Variants in KRT86 observed in about 807,000 individuals in gnomAD.
KRT86 encodes keratin 86, also known as keratin, type II cuticular Hb6.
KRT86 carries 30 observed loss-of-function variants against 41.2 expected under a neutral mutation model. That is an observed-to-expected ratio of 0.73 (90% CI 0.54 to 0.99). The LOEUF (loss-of-function observed/expected upper bound fraction) is 0.99. Ranked by LOEUF, KRT86 falls within the 50% of genes least tolerant of loss-of-function variation. KRT86 has a pLI of 0.00. For missense variants in KRT86, 561 were observed against 571.4 expected (o/e 0.98, Z 0.19); for synonymous variants, 238 against 238.1 (o/e 1.00, Z 0.00).
In KRT86 at chr12:52,304,927, T is replaced by C. The variant is rs1416366988; in HGVS notation, c.640-5T>C. On this transcript the variant is annotated splice_region_variant and splice_polypyrimidine_tract_variant and intron_variant, in intron 5 of 10. Transcript: ENST00000423955. ...CTTGAGCTCCAACACTCCCCACCTT[T>C]CCAGGATGTGGACTGCGCCTACCTC... 2.5e-6 allele frequency: 4 copies of C among 1,613,916 alleles called. No individual in the cohort carries two copies. In the African/African-American group the frequency reaches 5.3e-5, roughly 22 times the overall value.
intron 6 of KRT86, 25 bp downstream of exon 6, chr12:52,305,052 G>T (rs753587380): frequency 1.9e-6 from 3 of 1,613,094 alleles, no homozygotes; most frequent in African/African-American, 2.7e-5. Flanking sequence ...GCCAGGCAGA[G>T]ACCTGGCAGC....
chr12:52,300,825 GC>G (rs1565746979), intron 2 of KRT86, among the ~76,000 whole-genome samples: 4 of 152,084 alleles, frequency 2.6e-5, no homozygotes, highest in Admixed American at 2.6e-4. Context: ...TAACAGTGGT[GC>G]TCATCCCAGA....
chr12:52,279,344 T>G (rs1350197370), intron 2 of KRT86, among the ~76,000 whole-genome samples: 1 of 152,238 alleles, frequency 6.6e-6, no homozygotes, highest in Non-Finnish European at 1.5e-5. Flanking sequence ...CTTTCCTTTT[T>G]GCCTCCCACA....
intron 2 of KRT86, among the ~76,000 whole-genome samples, chr12:52,279,957 C>T (rs1011611155): frequency 6.6e-6 from 1 of 152,040 alleles, no homozygotes; most frequent in Non-Finnish European, 1.5e-5. Flanking sequence ...GGGAGGTGGG[C>T]CATAGACGAG....
intron 2 of KRT86, among the ~76,000 whole-genome samples, chr12:52,297,496 G>A (rs74093105): frequency 0.016 from 2,498 of 152,242 alleles, 80 homozygotes; most frequent in African/African-American, 0.058. Context: ...ACTATCTTGA[G>A]GAGTCTGCCT....
rs576326619 is a variant in KRT86, at chr12:52,298,727, A to G, written c.-4-3186A>G. Among the ~76,000 whole-genome samples the G allele has an allele frequency of 4.8e-4, 73 of 152,334 alleles. 1 individual carries two copies. The South Asian group carries it at 0.015, about 32-fold the overall frequency. On this transcript the variant is annotated intron_variant, in intron 2 of 10. Transcript: ENST00000423955. ...GAGAGTGGCAGAGCTAGAATTCGAA[A>G]CGAGGCAGTTTGGAATCTGAGTCTG...
intron 2 of KRT86, chr12:52,287,768 T>A (rs779523514): frequency 1.9e-6 from 3 of 1,613,826 alleles, no homozygotes; most frequent in Non-Finnish European, 2.5e-6. Context: ...GGACCTCCCA[T>A]CCATTCAGGA....
intron 2 of KRT86, among the ~76,000 whole-genome samples, chr12:52,283,527 G>A (rs1937833114): frequency 7.8e-6 from 1 of 128,816 alleles, no homozygotes; most frequent in Non-Finnish European, 1.6e-5. Context: ...TGCCCAGGCT[G>A]GAATGCAATG....
chr12:52,308,613 C>G lies in KRT86; in HGVS notation c.*28C>G. The stretch of plus-strand genomic sequence containing the variant: ...GGCTGCCGCCTCCGCCAGCGCCTGT[C>G]GCCGTCACTCTCCACCCAGCCAGTA... On this transcript the variant is annotated 3_prime_UTR_variant, in exon 11 of 11. Coordinates refer to ENST00000423955, the MANE Select transcript of KRT86 (RefSeq NM_001320198.2). 2 of 1,587,776 alleles carry G rather than the reference C, an allele frequency of 1.3e-6. No individual in the cohort carries two copies. The highest frequency in any genetic ancestry group is 1.7e-6 in the Non-Finnish European group (2 of 1,174,302).
chr12:52,288,289 T>C (rs1291020489), intron 2 of KRT86: 86 of 1,607,332 alleles, frequency 5.4e-5, no homozygotes, highest in Admixed American at 6.7e-5. Flanking sequence ...ACCCACATCC[T>C]GTCCAACACT....
chr12:52,298,634 A>G (rs1431149285), intron 2 of KRT86, among the ~76,000 whole-genome samples: 1 of 152,248 alleles, frequency 6.6e-6, no homozygotes, highest in Non-Finnish European at 1.5e-5. Flanking sequence ...TACTATTATT[A>G]TCTTCATTTT....
intron 2 of KRT86, among the ~76,000 whole-genome samples, chr12:52,277,339 C>T (rs1937656518): frequency 6.6e-6 from 1 of 151,904 alleles, no homozygotes; most frequent in South Asian, 2.1e-4. Context: ...TCTTGCCATA[C>T]AGACAAACAA....
chr12:52,308,295 C>T (rs751935120), intron 10 of KRT86, 31 bp downstream of exon 10: 1 of 1,613,960 alleles, frequency 6.2e-7, no homozygotes, highest in African/African-American at 1.3e-5. Flanking sequence ...CCTCCTCCCG[C>T]TGGGCGGGTC....
intron 2 of KRT86, among the ~76,000 whole-genome samples, chr12:52,299,177 G>C (rs76151209): frequency 6.6e-6 from 1 of 152,006 alleles, no homozygotes; most frequent in African/African-American, 2.4e-5. Flanking sequence ...TTTAGCTCTC[G>C]CATATGTGTA....
chr12:52,308,337 C>G, intron 10 of KRT86, 67 bp from the exon 11 acceptor site: 1 of 1,612,698 alleles, frequency 6.2e-7, no homozygotes, highest in Non-Finnish European at 8.5e-7. Context: ...CGCGTGGGCT[C>G]GCAGCAAAGC....
chr12:52,308,477 C>T lies in KRT86; in HGVS notation c.1353C>T (p.Thr451=), dbSNP rs370419090. The part of the protein sequence containing the change: ...CASTTAPVVS[T]RVSSVPSNSN... Reference sequence around the variant, plus strand: ...CCACTACTGCCCCTGTTGTCTCCACCAGAGTCAGTAGCGTCCCCAGCAACA... The same window carrying T: ...CCACTACTGCCCCTGTTGTCTCCACTAGAGTCAGTAGCGTCCCCAGCAACA... Residue 451 remains threonine, a synonymous_variant, in exon 11 of 11, where the codon ACC becomes ACT. Transcript: ENST00000423955. 5.6e-5 allele frequency: 91 copies of T among 1,610,776 alleles called. No homozygotes were observed. Among genetic ancestry groups the T allele is most frequent in the Non-Finnish European group, 7.6e-5 (90 of 1,179,932 alleles).
At chr12:52,283,470 A>ATCTTTT (rs1937829373) in intron 2 of KRT86, among the ~76,000 whole-genome samples, 1 of 65,348 alleles carries the variant, frequency 1.5e-5, no homozygotes, top group Non-Finnish European at 2.5e-5. Context: ...TAATCCAAGC[A>ATCTTTT]TTTTTTTTTT....
chr12:52,308,870 A>C lies in KRT86; in HGVS notation c.*285A>C. 2 of 477,182 alleles carry C rather than the reference A, an allele frequency of 4.2e-6. No individual in the cohort carries two copies. The highest frequency in any genetic ancestry group is 7.6e-6 in the Non-Finnish European group (2 of 263,052). The allele number at this position is 477,182 out of a possible 1,614,324, so 29.6% of individuals were successfully genotyped here. ...GCCTGCCTTCTGTTTTTTTTGCTGTATACATTGGTCTTGCCTGAGCTCTTC... is the reference window on the plus strand; with the variant it reads ...GCCTGCCTTCTGTTTTTTTTGCTGTCTACATTGGTCTTGCCTGAGCTCTTC... On this transcript the variant is annotated 3_prime_UTR_variant, in exon 11 of 11. Transcript: ENST00000423955.
intron 2 of KRT86, among the ~76,000 whole-genome samples, chr12:52,296,885 T>G (rs2047057740): frequency 1.3e-5 from 2 of 152,346 alleles, no homozygotes; most frequent in South Asian, 4.1e-4. Flanking sequence ...ATGCTCCAGA[T>G]GTAGAGCCTA....
Sources: allele counts gnomAD v4.1 joint callset (sites outside exome capture counted in the v4.1 genomes callset), GRCh38; gene constraint gnomAD v4.1.1; transcripts MANE v1.5; gene names NCBI Gene and HGNC (gene_info 2026-07-23, HGNC 2026-07-21).